GSK3B: variants seen among roughly 807,000 people sequenced by gnomAD.
GSK3B encodes glycogen synthase kinase-3 beta.
Under a neutral mutation model 56.4 loss-of-function variants are expected in GSK3B, and 15 were observed. The ratio of observed to expected loss-of-function variants is 0.27; its 90% confidence interval spans 0.18 to 0.41. The LOEUF (loss-of-function observed/expected upper bound fraction) is 0.41. GSK3B is among the 10% of genes least tolerant of loss of function. The pLI, the probability that GSK3B is intolerant of heterozygous loss-of-function variation, is 1.00. For missense variants in GSK3B, 300 were observed against 513.4 expected, an observed-to-expected ratio of 0.58 and a Z score of 4.02; for synonymous variants, 181 against 188.9, an observed-to-expected ratio of 0.96 and a Z score of 0.34.
chr3:120,010,200 A>G (rs949991308), intron 1 of GSK3B, among the ~76,000 whole-genome samples: 1 of 152,202 alleles, frequency 6.6e-6, no homozygotes, highest in Non-Finnish European at 1.5e-5. Context: ...AACCTTAGGT[A>G]TATTTGCTAA....
chr3:119,996,265 C>T (rs1340684809), intron 2 of GSK3B, among the ~76,000 whole-genome samples: 2 of 152,350 alleles, frequency 1.3e-5, no homozygotes, highest in South Asian at 2.1e-4. Context: ...ACTGTCTGTA[C>T]ATCTTCTCCA....
chr3:119,838,370 G>A (rs2055724816), intron 10 of GSK3B, among the ~76,000 whole-genome samples: 1 of 152,118 alleles, frequency 6.6e-6, no homozygotes, highest in Non-Finnish European at 1.5e-5. Context: ...TCAGAGCCAT[G>A]ATTAACAATA....
chr3:119,981,329 A>G (rs747180034), intron 2 of GSK3B, among the ~76,000 whole-genome samples: 1 of 152,226 alleles, frequency 6.6e-6, no homozygotes, highest in Non-Finnish European at 1.5e-5. Flanking sequence ...TACCTGGTTC[A>G]TCTCATTGGG....
At chr3:120,024,419 A>C (rs945410471) in intron 1 of GSK3B, among the ~76,000 whole-genome samples, 1 of 152,162 alleles carries the variant, frequency 6.6e-6, no homozygotes, top group Non-Finnish European at 1.5e-5. Context: ...GACATTCTTT[A>C]TGGTACCTGT....
intron 4 of GSK3B, among the ~76,000 whole-genome samples, chr3:119,917,188 C>T (rs1462524800): frequency 1.3e-5 from 2 of 151,924 alleles, no homozygotes; most frequent in Non-Finnish European, 1.5e-5. Flanking sequence ...ACATATGGCA[C>T]CATCTTTAAA....
chr3:120,082,385 CTTTTTTTTTTTTTTTTTT>C (rs1173737285), intron 1 of GSK3B, among the ~76,000 whole-genome samples: 2 of 66,400 alleles, frequency 3.0e-5, no homozygotes, highest in East Asian at 6.9e-4. Context: ...TTAGTATGTT[CTTTTTTTTTTTTTTTTTT>C]TTTTTTTTTT....
At position 119,833,841 on chromosome 3, in the gene GSK3B, C is replaced by T. The variant is rs534623818; in HGVS notation, c.1196-6986G>A. Among the ~76,000 whole-genome samples the T allele has an allele frequency of 2.0e-5, 3 of 151,432 alleles. No individual in the cohort carries two copies. In the East Asian group the frequency reaches 5.8e-4, roughly 29 times the overall value. On this transcript the variant is annotated intron_variant, in intron 10 of 10. Coordinates refer to ENST00000264235, the MANE Select transcript of GSK3B (RefSeq NM_001146156.2). ...GAGTAGCTGGGATTAAACAGGCACG[C>T]ACCACCATGCCTGGCTAAATTTTTT...
chr3:119,855,086 T>C (rs544214436), intron 9 of GSK3B, among the ~76,000 whole-genome samples: 2 of 152,256 alleles, frequency 1.3e-5, no homozygotes, highest in Non-Finnish European at 1.5e-5. Flanking sequence ...TATATGCTGC[T>C]TTAAATGTGT....
Position 119,823,766 on chromosome 3 carries a change from T to A in GSK3B, c.*3022A>T, listed in dbSNP as rs2055452294. On this transcript the variant is annotated 3_prime_UTR_variant, in exon 11 of 11. Transcript: ENST00000264235. The stretch of plus-strand genomic sequence containing the variant: ...AACGAAATGAAATTACGAATATGAT[T>A]TCCTCTTCCCACTCCTGAGTATGGT... 1 of 195,034 alleles carries A rather than the reference T, an allele frequency of 5.1e-6. No homozygotes were observed. The highest frequency in any genetic ancestry group is 1.1e-5 in the Non-Finnish European group (1 of 93,846). The allele number at this position is 195,034 out of a possible 1,614,324, so 12.1% of individuals were successfully genotyped here.
intron 10 of GSK3B, among the ~76,000 whole-genome samples, chr3:119,842,957 C>T (rs1009456237): frequency 5.3e-5 from 8 of 151,826 alleles, no homozygotes; most frequent in Non-Finnish European, 1.0e-4. Context: ...GCTCTGTTGC[C>T]CAGGCTGGAG....
At chr3:119,853,137 C>T (rs1048797610) in intron 9 of GSK3B, among the ~76,000 whole-genome samples, 1 of 152,258 alleles carries the variant, frequency 6.6e-6, no homozygotes, top group Admixed American at 6.5e-5. Context: ...CAGCTTTCTA[C>T]ATATGGCTAG....
At position 119,929,651 on chromosome 3, in the gene GSK3B, C is replaced by T. The variant is rs558764895; in HGVS notation, c.367-6168G>A. Among the ~76,000 whole-genome samples, 79 of 152,050 alleles carry T rather than the reference C, an allele frequency of 5.2e-4. No homozygotes were observed. In the South Asian group the frequency reaches 0.011, roughly 22 times the overall value. ...GGCATGGTGGCTCACGCCTGTAATC[C>T]CAGCACTTTGGCAGGCCGAGGTGGG... On this transcript the variant is annotated intron_variant, in intron 3 of 10. Transcript: ENST00000264235.
chr3:119,921,785 C>T (rs964728642), intron 4 of GSK3B, among the ~76,000 whole-genome samples: 1 of 152,168 alleles, frequency 6.6e-6, no homozygotes, highest in African/African-American at 2.4e-5. Context: ...TCTAATGACA[C>T]TAATGAAATA....
In GSK3B at chr3:120,093,699, C is replaced by G. The variant is rs1045047814; in HGVS notation, c.-265G>C. ...TTGGGAAAAAATACAATTCTTTCCC[C>G]TCCCTTTCCTGGGAGGAGAGAAAAG... is the stretch of plus-strand genomic sequence containing the variant. On this transcript the variant is annotated 5_prime_UTR_variant, in exon 1 of 11. Transcript: ENST00000264235. 1.4e-5 allele frequency: 5 copies of G among 355,844 alleles called. No individual in the cohort carries two copies. The highest frequency in any genetic ancestry group is 4.1e-5 in the African/African-American group (2 of 48,520). The allele number at this position is 355,844 out of a possible 1,614,324, so 22.0% of individuals were successfully genotyped here.
At chr3:120,020,280 G>A (rs543731128) in intron 1 of GSK3B, among the ~76,000 whole-genome samples, 1 of 152,282 alleles carries the variant, frequency 6.6e-6, no homozygotes, top group South Asian at 2.1e-4. Context: ...TAGTAATGAT[G>A]CTGTTTATAG....
chr3:119,910,747 C>T (rs1433508332), intron 6 of GSK3B, among the ~76,000 whole-genome samples: 1 of 152,158 alleles, frequency 6.6e-6, no homozygotes, highest in Non-Finnish European at 1.5e-5. Flanking sequence ...GGAGTCAGTC[C>T]TCTCAACCCC....
rs539111654 is a variant in GSK3B at position 120,051,443 on chromosome 3, T to A, written c.88+41904A>T. Among the ~76,000 whole-genome samples the A allele has an allele frequency of 1.1e-4, 17 of 152,162 alleles. No homozygotes were observed. The East Asian group carries it at 3.1e-3, about 28-fold the overall frequency. ...GGATTTACTTTATCATGAATAAAGGTTTTTTAAAAGTACACAATTAATTAT... is the reference window on the plus strand; with the variant it reads ...GGATTTACTTTATCATGAATAAAGGATTTTTAAAAGTACACAATTAATTAT... On this transcript the variant is annotated intron_variant, in intron 1 of 10. Transcript: ENST00000264235.
At chr3:119,972,244 A>T (rs934879958) in intron 2 of GSK3B, among the ~76,000 whole-genome samples, 2 of 152,226 alleles carry the variant, frequency 1.3e-5, no homozygotes, top group Non-Finnish European at 2.9e-5. Flanking sequence ...GATTCAAATA[A>T]GGTATAAGAT....
At chr3:119,859,402 T>C (rs1399510498) in intron 9 of GSK3B, among the ~76,000 whole-genome samples, 2 of 152,152 alleles carry the variant, frequency 1.3e-5, no homozygotes, top group Non-Finnish European at 2.9e-5. Context: ...AACAGGAAAA[T>C]AAGTTTAAAA....
Sources: allele counts gnomAD v4.1 joint callset (sites outside exome capture counted in the v4.1 genomes callset), GRCh38; gene constraint gnomAD v4.1.1; transcripts MANE v1.5; gene names NCBI Gene and HGNC (gene_info 2026-07-23, HGNC 2026-07-21).